MNS1: variants seen among roughly 807,000 people sequenced by gnomAD.
The protein encoded by MNS1 is meiosis-specific nuclear structural protein 1.
MNS1 carries 63 observed loss-of-function variants against 72.0 expected under a neutral mutation model. The ratio of observed to expected loss-of-function variants is 0.87; its 90% confidence interval spans 0.71 to 1.08. MNS1 has a LOEUF of 1.08. Among genes scored for constraint, MNS1 ranks in the 50% least tolerant of loss-of-function variants. The pLI is 0.00. For missense variants in MNS1, 604 were observed against 562.4 expected (o/e 1.07, Z -0.75); for synonymous variants, 188 against 172.1 (o/e 1.09, Z -0.72).
intron 3 of MNS1, among the ~76,000 whole-genome samples, chr15:56,452,592 C>G (rs1469253726): frequency 6.6e-6 from 1 of 150,996 alleles, no homozygotes; most frequent in Non-Finnish European, 1.5e-5. Context: ...GATCTTGGCT[C>G]ACTGCAAGCT....
At chr15:56,441,218 TTTTAA>T (rs1463516906) in intron 7 of MNS1, among the ~76,000 whole-genome samples, 3 of 152,190 alleles carry the variant, frequency 2.0e-5, no homozygotes, top group African/African-American at 7.2e-5. Flanking sequence ...CATTACTGAT[TTTTAA>T]TTTAATTCCA....
chr15:56,429,342 CTTTTCAAAAAA>C (rs2050490903), intron 9 of MNS1, 149 bp from the exon 10 acceptor site: 1 of 576,964 alleles, frequency 1.7e-6, no homozygotes, highest in African/African-American at 2.0e-5. Flanking sequence ...AAAATCAATA[CTTTTCAAAAAA>C]TAAGACTTTA....
chr15:56,463,369 AT>A (rs1304858639), intron 2 of MNS1, among the ~76,000 whole-genome samples: 1 of 152,208 alleles, frequency 6.6e-6, no homozygotes, highest in Non-Finnish European at 1.5e-5. Context: ...TTAAAAAAAA[AT>A]CTGAGTGCTT....
At position 56,453,400 on chromosome 15, in the gene MNS1, A is replaced by C. The variant is rs1050956370; in HGVS notation, c.353+2994T>G. 9.2e-5 allele frequency among the ~76,000 whole-genome samples: 14 copies of C among 152,074 alleles called. 1 individual carries two copies. Among genetic ancestry groups the C allele is most frequent in the Non-Finnish European group, 8.8e-5 (6 of 67,978 alleles). ...CTGTTTTTGTTTCTCAGAAAATGTT[A>C]TTTTGTGCTCTTTTAATCTATCTCA... On this transcript the variant is annotated intron_variant, in intron 3 of 9. Coordinates refer to ENST00000260453, the MANE Select transcript of MNS1 (RefSeq NM_018365.4).
Position 56,429,155 on chromosome 15 carries a change from A to T in MNS1, c.1434T>A (p.Gly478=). Residue 478 remains glycine, a synonymous_variant, in exon 10 of 10, where the codon GGT becomes GGA. Transcript: ENST00000260453. ...FKKEDDIDLL[G]EEFRKVYQQR... ...GTTGATATACTTTCCTGAACTCTTC[A>T]CCAAGCAGATCAATATCATCCTCTT... is the stretch of plus-strand genomic sequence containing the variant. 1 of 1,603,014 alleles carries T rather than the reference A, an allele frequency of 6.2e-7. No individual in the cohort carries two copies. Among genetic ancestry groups the T allele is most frequent in the South Asian group, 1.1e-5 (1 of 88,592 alleles).
chr15:56,432,268 A>G (rs1264322175), intron 8 of MNS1, among the ~76,000 whole-genome samples: 4 of 152,212 alleles, frequency 2.6e-5, no homozygotes, highest in East Asian at 1.9e-4. Flanking sequence ...AGAAAAATTT[A>G]TAGTAAATTA....
Position 56,434,452 on chromosome 15 carries a change from A to C in MNS1, c.1012-57T>G, listed in dbSNP as rs370538715. ...ACTATTTCCTTACACCAGATTTATA[A>C]GGAAAGAGTGATAGAGTTTGGTTAA... On this transcript the variant is annotated intron_variant, in intron 7 of 9. Coordinates refer to ENST00000260453, the MANE Select transcript of MNS1 (RefSeq NM_018365.4). 44 of 1,509,412 alleles carry C rather than the reference A, an allele frequency of 2.9e-5. 2 individuals carry two copies. The highest frequency in any genetic ancestry group is 1.9e-4 in the Middle Eastern group (1 of 5,194). The allele number at this position is 1,509,412 out of a possible 1,614,324, so 93.5% of individuals were successfully genotyped here. A position where few individuals can be genotyped will look rare whatever the true frequency, so the allele number is the denominator to read the frequency against.
rs1555449483 is a variant in MNS1 at position 56,455,265 on chromosome 15, A to AAAAAAAC, written c.353+1122_353+1128dup. ...GTCAGGTGAAAAAAAAAAAAAAAAAAAAAAAACCATGAGTAACAGCTAATG... is the reference window on the plus strand; with the variant it reads ...GTCAGGTGAAAAAAAAAAAAAAAAAAAAAAAACAAAAAACCATGAGTAACAGCTAATG... On this transcript the variant is annotated intron_variant, in intron 3 of 9. Transcript: ENST00000260453. 4.9e-5 allele frequency among the ~76,000 whole-genome samples: 7 copies of AAAAAAAC among 143,586 alleles called. 1 individual carries two copies. Among genetic ancestry groups the AAAAAAAC allele is most frequent in the South Asian group, 2.2e-4 (1 of 4,600 alleles). The allele number at this position is 143,586 out of a possible 152,430, so 94.2% of individuals were successfully genotyped here.
At chr15:56,458,353 TA>T (rs1567154387) in intron 2 of MNS1, among the ~76,000 whole-genome samples, 4 of 152,152 alleles carry the variant, frequency 2.6e-5, no homozygotes, top group African/African-American at 7.2e-5. Context: ...AGAGTTCCCA[TA>T]TATTCCCTGT....
intron 8 of MNS1, among the ~76,000 whole-genome samples, chr15:56,432,987 T>C (rs559157507): frequency 6.6e-6 from 1 of 152,334 alleles, no homozygotes; most frequent in South Asian, 2.1e-4. Flanking sequence ...TATAAGTATT[T>C]AGTTTTACGG....
Position 56,429,200 on chromosome 15 carries a change from G to T in MNS1, c.1396-7C>A. 6.4e-7 allele frequency: 1 copy of T among 1,565,946 alleles called. No homozygotes were observed. Among genetic ancestry groups the T allele is most frequent in the South Asian group, 1.2e-5 (1 of 85,358 alleles). ...CCTCTTTTTTAAATACTCCCTACGA[G>T]AAAAATACTTTGTGGGTTACTTTTG... On this transcript the variant is annotated splice_polypyrimidine_tract_variant and splice_region_variant and intron_variant, in intron 9 of 9. Transcript: ENST00000260453.
intron 9 of MNS1, among the ~76,000 whole-genome samples, chr15:56,431,152 C>G (rs2140316996): frequency 6.6e-6 from 1 of 152,194 alleles, no homozygotes. Context: ...GGTACAAATT[C>G]AGTAAATCAA....
At chr15:56,447,596 GT>G (rs1448813539) in intron 3 of MNS1, 2 of 151,952 alleles carry the variant, frequency 1.3e-5, no homozygotes, top group African/African-American at 4.8e-5. Context: ...TACAATTAAT[GT>G]TTATATACTA....
At chr15:56,441,773 G>A (rs2050817933) in intron 7 of MNS1, among the ~76,000 whole-genome samples, 1 of 152,162 alleles carries the variant, frequency 6.6e-6, no homozygotes, top group Non-Finnish European at 1.5e-5. Flanking sequence ...CCAGCACTTT[G>A]GGAGGCCAAG....
intron 3 of MNS1, among the ~76,000 whole-genome samples, chr15:56,454,522 C>G: frequency 6.6e-6 from 1 of 152,098 alleles, no homozygotes; most frequent in Non-Finnish European, 1.5e-5. Context: ...AGGATTAAGT[C>G]ATACTTCTTA....
chr15:56,435,208 A>C (rs188841460), intron 7 of MNS1, among the ~76,000 whole-genome samples: 1 of 152,142 alleles, frequency 6.6e-6, no homozygotes, highest in Admixed American at 6.6e-5. Context: ...TATAGCACTA[A>C]ATGCATGTAT....
At chr15:56,447,036 C>A in intron 3 of MNS1, 93 bp from the exon 4 acceptor site, 1 of 820,022 alleles carries the variant, frequency 1.2e-6, no homozygotes, top group South Asian at 1.6e-5. Context: ...TTAATTTACT[C>A]AAAGAGGGAA....
chr15:56,429,055 A>G lies in MNS1; in HGVS notation c.*46T>C, dbSNP rs779089818. ...TAAAACAAAAGTTATGCTGACATCT[A>G]GTGGTAACATGCAAAAAATCTATGC... is the stretch of plus-strand genomic sequence containing the variant. On this transcript the variant is annotated 3_prime_UTR_variant, in exon 10 of 10. Coordinates refer to ENST00000260453, the MANE Select transcript of MNS1 (RefSeq NM_018365.4). 1.8e-5 allele frequency: 22 copies of G among 1,231,760 alleles called. No homozygotes were observed. The highest frequency in any genetic ancestry group is 7.7e-5 in the African/African-American group (5 of 65,100). 76.3% of individuals were successfully genotyped at this position (1,231,760 alleles called of 1,614,324 possible).
Position 56,442,369 on chromosome 15 carries a change from TACCCA to T in MNS1, c.1011+1056_1011+1060del, listed in dbSNP as rs371298891. Among the ~76,000 whole-genome samples, 151 of 152,314 alleles carry T rather than the reference TACCCA, an allele frequency of 9.9e-4. 2 individuals carry two copies. The East Asian group carries it at 0.018, about 18-fold the overall frequency. ...AATTACCATTTGATTGCTGGGTTTA[TACCCA>T]ATGGGATTGCTGGGTATATACCCAA... is the stretch of plus-strand genomic sequence containing the variant. On this transcript the variant is annotated intron_variant, in intron 7 of 9. Coordinates refer to ENST00000260453, the MANE Select transcript of MNS1 (RefSeq NM_018365.4).
Sources: allele counts gnomAD v4.1 joint callset (sites outside exome capture counted in the v4.1 genomes callset), GRCh38; gene constraint gnomAD v4.1.1; transcripts MANE v1.5; gene names NCBI Gene and HGNC (gene_info 2026-07-23, HGNC 2026-07-21).